Variants in PDS5B observed in about 807,000 individuals in gnomAD.
The protein encoded by PDS5B is PDS5 cohesin associated factor B.
PDS5B carries 51 observed loss-of-function variants against 184.1 expected under a neutral mutation model. The ratio of observed to expected loss-of-function variants is 0.28; its 90% CI spans 0.22 to 0.35. The LOEUF is 0.35. PDS5B is among the 10% of genes least tolerant of loss of function. The pLI is 1.00. For synonymous variants in PDS5B, 566 were observed against 569.2 expected (o/e 0.99, Z 0.08); for missense variants, 1,180 against 1,723.3 (o/e 0.68, Z 5.58).
intron 1 of PDS5B, among the ~76,000 whole-genome samples, chr13:32,610,415 T>C (rs890064764): frequency 1.3e-5 from 2 of 152,344 alleles, no homozygotes; most frequent in African/African-American, 4.8e-5. Flanking sequence ...TCTTGATGTA[T>C]TCCAGTAAGT....
chr13:32,638,689 C>T (rs1244554741), intron 1 of PDS5B, among the ~76,000 whole-genome samples: 3 of 151,542 alleles, frequency 2.0e-5, no homozygotes, highest in East Asian at 1.9e-4. Context: ...GATGCTGATA[C>T]GGGGGAAAGA....
intron 9 of PDS5B, among the ~76,000 whole-genome samples, chr13:32,678,164 A>C (rs1951123310): frequency 6.6e-6 from 1 of 152,240 alleles, no homozygotes; most frequent in Non-Finnish European, 1.5e-5. Flanking sequence ...CATATACAGC[A>C]GTTGCTCTAG....
At chr13:32,765,673 G>T (rs1405743725) in intron 31 of PDS5B, among the ~76,000 whole-genome samples, 1 of 152,152 alleles carries the variant, frequency 6.6e-6, no homozygotes, top group Non-Finnish European at 1.5e-5. Flanking sequence ...GCACGATCTG[G>T]GCTCACTGCA....
chr13:32,708,577 C>T (rs892224768), intron 18 of PDS5B, among the ~76,000 whole-genome samples: 1 of 152,086 alleles, frequency 6.6e-6, no homozygotes, highest in Non-Finnish European at 1.5e-5. Context: ...TATATAATCC[C>T]ATCAGTAGTA....
intron 21 of PDS5B, among the ~76,000 whole-genome samples, chr13:32,738,009 A>T (rs1953400141): frequency 6.6e-6 from 1 of 151,948 alleles, no homozygotes; most frequent in Non-Finnish European, 1.5e-5. Flanking sequence ...TGCTTTTATC[A>T]CTCCACATTT....
At chr13:32,768,283 G>C (rs1405062677) in intron 31 of PDS5B, among the ~76,000 whole-genome samples, 1 of 152,146 alleles carries the variant, frequency 6.6e-6, no homozygotes, top group Non-Finnish European at 1.5e-5. Flanking sequence ...CACATGAGAG[G>C]TGTGGGGTGG....
At chr13:32,736,077 T>G (rs1309393091) in intron 21 of PDS5B, among the ~76,000 whole-genome samples, 5 of 152,180 alleles carry the variant, frequency 3.3e-5, no homozygotes, top group Non-Finnish European at 7.4e-5. Context: ...TGTCAGTTGG[T>G]CTGCTTTGAA....
At chr13:32,644,601 G>A (rs985598701) in intron 1 of PDS5B, among the ~76,000 whole-genome samples, 5 of 151,972 alleles carry the variant, frequency 3.3e-5, no homozygotes, top group Non-Finnish European at 7.4e-5. Flanking sequence ...AGTGATGATA[G>A]TAGGTATGTT....
chr13:32,638,289 T>C (rs1485441870), intron 1 of PDS5B, among the ~76,000 whole-genome samples: 2 of 152,200 alleles, frequency 1.3e-5, no homozygotes, highest in Non-Finnish European at 2.9e-5. Context: ...AAAACACTTT[T>C]ATTTCTTGAT....
intron 13 of PDS5B, chr13:32,688,842 C>A: frequency 2.7e-6 from 1 of 367,944 alleles, no homozygotes. Flanking sequence ...TCTCAAGAAA[C>A]GTTGATGTAC....
intron 1 of PDS5B, among the ~76,000 whole-genome samples, chr13:32,643,085 A>G (rs1950139249): frequency 6.6e-6 from 1 of 152,158 alleles, no homozygotes; most frequent in Non-Finnish European, 1.5e-5. Context: ...CTGTGGCCAT[A>G]TTCATGTATT....
At chr13:32,642,713 C>T (rs1375002074) in intron 1 of PDS5B, among the ~76,000 whole-genome samples, 1 of 151,774 alleles carries the variant, frequency 6.6e-6, no homozygotes, top group Non-Finnish European at 1.5e-5. Context: ...TTCCTTCAGT[C>T]ATACTTCTGG....
chr13:32,770,007 A>G lies in PDS5B; in HGVS notation c.3625-114A>G, dbSNP rs993606137. 3.5e-5 allele frequency: 29 copies of G among 819,508 alleles called. No individual in the cohort carries two copies. The African/African-American group carries it at 4.0e-4, about 11-fold the overall frequency. The allele number at this position is 819,508 out of a possible 1,614,324, so 50.8% of individuals were successfully genotyped here. The stretch of plus-strand genomic sequence containing the variant: ...GTTCTGGTGTATTTAAGAGCTGTAT[A>G]TTTTAGGTACATATCTAGGACAACA... On this transcript the variant is annotated intron_variant, in intron 31 of 34. Coordinates refer to ENST00000315596, the MANE Select transcript of PDS5B (RefSeq NM_015032.4).
At chr13:32,594,661 A>G (rs2057830379) in intron 1 of PDS5B, among the ~76,000 whole-genome samples, 1 of 152,214 alleles carries the variant, frequency 6.6e-6, no homozygotes, top group South Asian at 2.1e-4. Context: ...AATGAAGAGT[A>G]AAGAATGCAA....
At chr13:32,724,156 G>T (rs1952815138) in intron 19 of PDS5B, among the ~76,000 whole-genome samples, 1 of 152,154 alleles carries the variant, frequency 6.6e-6, no homozygotes, top group Non-Finnish European at 1.5e-5. Context: ...TTGGTCTGTT[G>T]CCCAGACTGG....
At chr13:32,651,078 GC>G (rs1950355909) in intron 2 of PDS5B, among the ~76,000 whole-genome samples, 1 of 152,134 alleles carries the variant, frequency 6.6e-6, no homozygotes, top group African/African-American at 2.4e-5. Context: ...ATCAGAGAAA[GC>G]TCTTCTGAGA....
rs746601412 is a variant in PDS5B at position 32,732,140 on chromosome 13, A to AC, written c.2170dup (p.Arg724ProfsTer16). On this transcript the variant is annotated frameshift_variant, in exon 20 of 35. Coordinates refer to ENST00000315596, the MANE Select transcript of PDS5B (RefSeq NM_015032.4). LOFTEE classifies it high-confidence loss of function. ...TTTTACATCACAAATCTAAAAAAGG[A>AC]CCCCCCCGTCAAGCCAAATATGCCA... The AC allele has an allele frequency of 3.1e-6, 5 of 1,606,660 alleles. No individual in the cohort carries two copies. Among genetic ancestry groups the AC allele is most frequent in the Admixed American group, 1.7e-5 (1 of 59,692 alleles).
chr13:32,601,378 G>A (rs1276477089), intron 1 of PDS5B, among the ~76,000 whole-genome samples: 1 of 152,160 alleles, frequency 6.6e-6, no homozygotes, highest in Non-Finnish European at 1.5e-5. Flanking sequence ...TTTAGAATAA[G>A]ATAGAAACTC....
chr13:32,735,141 T>A (rs1322032789), intron 20 of PDS5B, 31 bp from the exon 21 acceptor site: 5 of 1,442,276 alleles, frequency 3.5e-6, no homozygotes, highest in Non-Finnish European at 2.8e-6. Flanking sequence ...ATGTGTAGAG[T>A]TGAAATATAT....
Sources: gnomAD v4.1 joint callset for allele counts (sites outside exome capture counted in the v4.1 genomes callset) on GRCh38, gnomAD v4.1.1 for gene constraint, MANE v1.5 for transcripts, NCBI Gene and HGNC (gene_info 2026-07-23, HGNC 2026-07-21) for gene names.